GLIS3: variants seen among roughly 807,000 people sequenced by gnomAD.
GLIS3 encodes GLIS family zinc finger 3, also known as zinc finger protein GLIS3.
A neutral mutation model predicts 78.6 loss-of-function variants in GLIS3; 53 were observed. The ratio of observed to expected loss-of-function variants is 0.67; its 90% CI spans 0.54 to 0.85. The LOEUF (loss-of-function observed/expected upper bound fraction) is 0.85, where lower values mean the gene tolerates loss of function less well. GLIS3 is among the 40% of genes least tolerant of loss of function. The pLI is 0.00. For synonymous variants in GLIS3, 684 were observed against 509.9 expected (o/e 1.34, Z -4.60); for missense variants, 1,703 against 1,231.1 (o/e 1.38, Z -5.74).
At chr9:4,435,064 C>T in the GLIS3 span, among the ~76,000 whole-genome samples, 7 of 152,164 alleles carry the variant, frequency 4.6e-5, no homozygotes, top group South Asian at 6.2e-4. Flanking sequence ...GAAGCTTCAA[C>T]GTTTGTCTCT....
chr9:4,275,971 C>A (rs1168042186), intron 2 of GLIS3, among the ~76,000 whole-genome samples: 1 of 151,892 alleles, frequency 6.6e-6, no homozygotes, highest in Non-Finnish European at 1.5e-5. Context: ...GGCTGTTCCC[C>A]TTTAACCACC....
intron 2 of GLIS3, among the ~76,000 whole-genome samples, chr9:4,171,592 T>C (rs1586871536): frequency 6.6e-6 from 1 of 152,214 alleles, no homozygotes; most frequent in Admixed American, 6.5e-5. Flanking sequence ...TTTAGCTATC[T>C]GAGGGGAGAA....
At chr9:4,360,836 C>T in the GLIS3 span, among the ~76,000 whole-genome samples, 224 of 152,318 alleles carry the variant, frequency 1.5e-3, 1 homozygote, top group Non-Finnish European at 2.7e-3. Flanking sequence ...ATTTCCTAGC[C>T]ATGTGCATTT....
intron 9 of GLIS3, among the ~76,000 whole-genome samples, chr9:3,845,534 G>C (rs1397337491): frequency 6.6e-6 from 1 of 152,106 alleles, no homozygotes; most frequent in African/African-American, 2.4e-5. Flanking sequence ...TTAAAAAACT[G>C]AACAAGGAAA....
the GLIS3 span, among the ~76,000 whole-genome samples, chr9:4,369,803 G>T: frequency 6.6e-6 from 1 of 152,148 alleles, no homozygotes; most frequent in Non-Finnish European, 1.5e-5. Flanking sequence ...ATCTAATAGA[G>T]ATAAAATCCT....
chr9:4,353,051 T>G (rs574882543), upstream of GLIS3, among the ~76,000 whole-genome samples: 16 of 152,278 alleles, frequency 1.1e-4, no homozygotes, highest in African/African-American at 3.1e-4. Context: ...GAAAGTTTTT[T>G]CAGCCTGGGG....
At chr9:4,250,971 G>A (rs1475236865) in intron 2 of GLIS3, among the ~76,000 whole-genome samples, 1 of 9,198 alleles carries the variant, frequency 1.1e-4, no homozygotes, top group African/African-American at 1.2e-4. Context: ...ACTGTGGTCT[G>A]GGAGACTTAT....
At chr9:4,337,584 C>A (rs1761710221) in intron 2 of GLIS3, among the ~76,000 whole-genome samples, 1 of 152,166 alleles carries the variant, frequency 6.6e-6, no homozygotes, top group Non-Finnish European at 1.5e-5. Flanking sequence ...AAGCTTCAGG[C>A]TCCTTCCGGT....
intron 2 of GLIS3, among the ~76,000 whole-genome samples, chr9:4,192,061 G>A (rs1274428168): frequency 6.6e-6 from 1 of 152,116 alleles, no homozygotes; most frequent in East Asian, 1.9e-4. Flanking sequence ...CTCAAAAGGA[G>A]TTCTTGTGAT....
chr9:3,993,498 A>G (rs538273021), intron 4 of GLIS3, among the ~76,000 whole-genome samples: 6 of 152,320 alleles, frequency 3.9e-5, no homozygotes, highest in South Asian at 4.1e-4. Flanking sequence ...GTATATGTAC[A>G]TTTCATGTAT....
chr9:4,157,747 G>T (rs1835143423), intron 2 of GLIS3, among the ~76,000 whole-genome samples: 1 of 152,108 alleles, frequency 6.6e-6, no homozygotes, highest in Non-Finnish European at 1.5e-5. Context: ...GCACATATGA[G>T]GAGCATGTTA....
At chr9:4,159,280 T>C (rs1485523006) in intron 2 of GLIS3, among the ~76,000 whole-genome samples, 1 of 152,142 alleles carries the variant, frequency 6.6e-6, no homozygotes, top group Non-Finnish European at 1.5e-5. Context: ...ACTGGAGAGT[T>C]TTCTCGCATT....
chr9:4,336,595 A>G (rs1238215640), intron 2 of GLIS3, among the ~76,000 whole-genome samples: 1 of 152,242 alleles, frequency 6.6e-6, no homozygotes, highest in Non-Finnish European at 1.5e-5. Context: ...AAGACTCAGG[A>G]AGATAAAACA....
intron 2 of GLIS3, among the ~76,000 whole-genome samples, chr9:4,157,829 T>C (rs1249127732): frequency 6.6e-6 from 1 of 152,202 alleles, no homozygotes; most frequent in Non-Finnish European, 1.5e-5. Context: ...TCTGGGAGCC[T>C]TTATGTGCAG....
intron 10 of GLIS3, 144 bp from the exon 11 acceptor site, chr9:3,828,552 C>CT (rs779703762): frequency 1.1e-4 from 116 of 1,015,808 alleles, no homozygotes; most frequent in Middle Eastern, 6.1e-4. Context: ...TAGTGAGTCT[C>CT]TGTTTCCAGC....
intron 1 of GLIS3, chr9:4,298,330 A>C (rs1816779341): frequency 4.4e-6 from 2 of 455,280 alleles, no homozygotes; most frequent in Admixed American, 2.4e-5. Context: ...AGCAAGTCGG[A>C]GGGCGCGAAC....
rs1821578555 is a variant in GLIS3 at position 3,879,502 on chromosome 9, T to C, written c.2222A>G (p.His741Arg). Residue 741 changes from histidine (H) to arginine (R), a missense_variant, in exon 8 of 11, where the codon CAT becomes CGT. His to Arg is a conservative substitution (Grantham distance 29). Transcript: ENST00000381971. ...GTTGTGAGGGCTCCCCTGTACATTA[T>C]GTCCTGGAGAAGGGTGACTGACAGG... ...PHPVSHPSPG[H>R]NVQGSPHNPS... 3 of 1,613,992 alleles carry C rather than the reference T, an allele frequency of 1.9e-6. No individual in the cohort carries two copies. In the African/African-American group the frequency reaches 4.0e-5, roughly 22 times the overall value.
chr9:4,317,280 G>C (rs2130538920), intron 2 of GLIS3, among the ~76,000 whole-genome samples: 1 of 152,298 alleles, frequency 6.6e-6, no homozygotes, highest in East Asian at 1.9e-4. Flanking sequence ...CCTTAGCACA[G>C]CCTTTCCTTA....
chr9:3,930,617 T>A (rs407920), intron 6 of GLIS3, among the ~76,000 whole-genome samples: 149,085 of 152,284 alleles, frequency 0.98, 73,062 homozygotes, highest in East Asian at 1. Context: ...AAATCTGTCA[T>A]CCTAGGTTAC....
Sources: allele counts gnomAD v4.1 joint callset (sites outside exome capture counted in the v4.1 genomes callset), GRCh38; gene constraint gnomAD v4.1.1; transcripts MANE v1.5; gene names NCBI Gene and HGNC (gene_info 2026-07-23, HGNC 2026-07-21).